The following SMCO2 variants were observed in gnomAD, a reference collection of about 807,000 sequenced individuals.
SMCO2 encodes the protein single-pass membrane and coiled-coil domain-containing protein 2.
Under a neutral mutation model 29.5 loss-of-function variants are expected in SMCO2, and 25 were observed. The ratio of observed to expected loss-of-function variants is 0.85; its 90% CI spans 0.62 to 1.18. The LOEUF is 1.18. Among genes scored for constraint, SMCO2 ranks in the 50% most tolerant of loss-of-function variants. SMCO2 has a pLI of 0.00. For missense variants in SMCO2, 348 were observed against 344.5 expected, an observed-to-expected ratio of 1.01 and a Z score of -0.08; for synonymous variants, 117 against 123.3, an observed-to-expected ratio of 0.95 and a Z score of 0.34.
chr12:27,485,013 C>T (rs1315876109), intron 4 of SMCO2, among the ~76,000 whole-genome samples: 1 of 151,296 alleles, frequency 6.6e-6, no homozygotes, highest in African/African-American at 2.4e-5. Context: ...AAATTTGAGC[C>T]ATTATTTCTT....
chr12:27,495,584 A>G, intron 6 of SMCO2, 96 bp from the exon 8 acceptor site: 1 of 1,210,056 alleles, frequency 8.3e-7, no homozygotes, highest in Non-Finnish European at 1.1e-6. Flanking sequence ...GTGGGCCCCC[A>G]AGGTGATCCA....
the SMCO2 span, among the ~76,000 whole-genome samples, chr12:27,454,292 G>T: frequency 1.3e-5 from 2 of 152,136 alleles, no homozygotes; most frequent in Non-Finnish European, 2.9e-5. Context: ...CCCTCTCTGT[G>T]AATCAATATG....
upstream of SMCO2, among the ~76,000 whole-genome samples, chr12:27,466,171 T>C (rs1376617936): frequency 6.6e-6 from 1 of 152,116 alleles, no homozygotes; most frequent in Non-Finnish European, 1.5e-5. Context: ...CCTGTAATCC[T>C]AGCATTTTGG....
chr12:27,500,426 A>T (rs1303342363), intron 7 of SMCO2, among the ~76,000 whole-genome samples: 1 of 150,722 alleles, frequency 6.6e-6, no homozygotes, highest in Non-Finnish European at 1.5e-5. Context: ...GAAAAAAGAT[A>T]AAAAATGTGT....
intron 5 of SMCO2, among the ~76,000 whole-genome samples, chr12:27,493,109 T>C (rs1230482497): frequency 6.6e-6 from 1 of 152,138 alleles, no homozygotes; most frequent in East Asian, 1.9e-4. Context: ...CATTTTCTCA[T>C]TTATAAGTGG....
intron 7 of SMCO2, among the ~76,000 whole-genome samples, chr12:27,501,415 C>CAAAAAA (rs540673188): frequency 3.1e-4 from 27 of 85,860 alleles, no homozygotes; most frequent in African/African-American, 6.2e-4. Flanking sequence ...GACTCCGTCT[C>CAAAAAA]AAAAAAAAAA....
At chr12:27,480,091 A>G (rs146541104) in intron 4 of SMCO2, among the ~76,000 whole-genome samples, 2 of 152,332 alleles carry the variant, frequency 1.3e-5, no homozygotes, top group African/African-American at 4.8e-5. Flanking sequence ...AAGTCCCACA[A>G]TCCAAAGGCC....
At chr12:27,469,679 A>G (rs1949525790) in intron 1 of SMCO2, among the ~76,000 whole-genome samples, 1 of 152,170 alleles carries the variant, frequency 6.6e-6, no homozygotes, top group South Asian at 2.1e-4. Context: ...TTTAGCCTGG[A>G]CACACCCTCC....
exon 7 of SMCO2, chr12:27,495,841 C>T: frequency 4.0e-6 from 6 of 1,513,220 alleles, no homozygotes; most frequent in Non-Finnish European, 5.4e-6. Context: ...AGTCTCCTCC[C>T]CGCAATACAG....
chr12:27,458,480 A>C, the SMCO2 span, among the ~76,000 whole-genome samples: 88,431 of 152,136 alleles, frequency 0.58, 26,494 homozygotes, highest in Middle Eastern at 0.69. Flanking sequence ...GTTTTTTAAA[A>C]GTTTAAATAA....
chr12:27,463,747 C>T (rs926610523), upstream of SMCO2, among the ~76,000 whole-genome samples: 12 of 152,122 alleles, frequency 7.9e-5, no homozygotes, highest in African/African-American at 2.9e-4. Flanking sequence ...AACAAACCAA[C>T]AAAACCTTGT....
upstream of SMCO2, among the ~76,000 whole-genome samples, chr12:27,463,839 T>C (rs1949476911): frequency 6.6e-6 from 1 of 152,170 alleles, no homozygotes; most frequent in Non-Finnish European, 1.5e-5. Flanking sequence ...GAAATCTTTA[T>C]TAAAAAGAAG....
chr12:27,479,689 T>C (rs948955516), intron 4 of SMCO2, among the ~76,000 whole-genome samples: 7 of 152,118 alleles, frequency 4.6e-5, no homozygotes, highest in African/African-American at 1.7e-4. Context: ...GCTTTTCTTG[T>C]GATAGAGAAT....
chr12:27,429,080 A>G, the SMCO2 span, among the ~76,000 whole-genome samples: 14 of 152,220 alleles, frequency 9.2e-5, no homozygotes, highest in East Asian at 1.9e-3. Flanking sequence ...TGAAATATCT[A>G]TTCTTGAGGG....
intron 4 of SMCO2, among the ~76,000 whole-genome samples, chr12:27,487,630 G>GA (rs1178920216): frequency 3.3e-5 from 5 of 152,160 alleles, no homozygotes; most frequent in African/African-American, 1.2e-4. Flanking sequence ...GTTTTGACAG[G>GA]AACTGCCAAA....
At chr12:27,478,145 A>T (rs1031982558) in intron 4 of SMCO2, among the ~76,000 whole-genome samples, 2 of 152,170 alleles carry the variant, frequency 1.3e-5, no homozygotes, top group Admixed American at 6.5e-5. Context: ...TGGGCATACT[A>T]GTGTAGTCTC....
chr12:27,467,649 C>T (rs928447777), intron 1 of SMCO2, among the ~76,000 whole-genome samples: 16 of 152,146 alleles, frequency 1.1e-4, no homozygotes, highest in Middle Eastern at 3.4e-3. Flanking sequence ...CCCATTAAGA[C>T]GCATTGGGCA....
the SMCO2 span, among the ~76,000 whole-genome samples, chr12:27,446,282 G>A: frequency 6.6e-6 from 1 of 152,268 alleles, no homozygotes; most frequent in South Asian, 2.1e-4. Flanking sequence ...GGAGGGGAAG[G>A]GGAGAGAGAG....
chr12:27,457,448 C>A, the SMCO2 span, among the ~76,000 whole-genome samples: 1 of 152,218 alleles, frequency 6.6e-6, no homozygotes, highest in Admixed American at 6.5e-5. Context: ...TCATTTAATT[C>A]TCAAAATAGT....
Sources: gnomAD v4.1 joint callset for allele counts (sites outside exome capture counted in the v4.1 genomes callset) on GRCh38, gnomAD v4.1.1 for gene constraint, MANE v1.5 for transcripts, NCBI Gene and HGNC (gene_info 2026-07-23, HGNC 2026-07-21) for gene names.